The following PTP4A1 variants were observed in gnomAD, a reference collection of about 807,000 sequenced individuals.
PTP4A1 encodes the protein protein tyrosine phosphatase type IVA 1.
In PTP4A1, 9 loss-of-function variants were observed where a neutral mutation model predicts 20.5. That is an observed-to-expected ratio of 0.44 (90% CI 0.26 to 0.77). The LOEUF is 0.77. PTP4A1 is among the 30% of genes least tolerant of loss of function. The pLI is 0.19. For synonymous variants in PTP4A1, 78 were observed against 67.4 expected, an observed-to-expected ratio of 1.16 and a Z score of -0.77; for missense variants, 137 against 218.8, an observed-to-expected ratio of 0.63 and a Z score of 2.36.
intron 3 of PTP4A1, among the ~76,000 whole-genome samples, chr6:63,562,719 A>AG (rs1561909960): frequency 6.6e-6 from 1 of 152,202 alleles, no homozygotes; most frequent in Non-Finnish European, 1.5e-5. Flanking sequence ...TCAAGAGTTT[A>AG]ATTGTTCTCT....
intron 2 of PTP4A1, among the ~76,000 whole-genome samples, chr6:63,548,538 G>A (rs1351971837): frequency 6.6e-6 from 1 of 152,170 alleles, no homozygotes; most frequent in East Asian, 1.9e-4. Context: ...ACCATGTCCT[G>A]TTTTTCCTTC....
At chr6:63,578,801 G>A in intron 3 of PTP4A1, 97 bp from the exon 4 acceptor site, 1 of 1,238,544 alleles carries the variant, frequency 8.1e-7, no homozygotes, top group Non-Finnish European at 1.1e-6. Flanking sequence ...ATTAAAATGA[G>A]AATGCTTTTG....
At position 63,539,823 on chromosome 6, in the gene PTP4A1, A is replaced by G. The variant is rs938131092; in HGVS notation, c.-639-10477A>G. 7.2e-5 allele frequency among the ~76,000 whole-genome samples: 11 copies of G among 152,332 alleles called. No individual in the cohort carries two copies. In the East Asian group the frequency reaches 1.9e-3, roughly 27 times the overall value. ...TAGGCAATCTTCAGAAAAAAACTCA[A>G]AAGTTCAGCAAATGTGTGAAGATAT... is the stretch of plus-strand genomic sequence containing the variant. On this transcript the variant is annotated intron_variant, in intron 2 of 3. Coordinates refer to the PTP4A1 transcript ENST00000639568.
chr6:63,545,953 G>A (rs1776164483), intron 2 of PTP4A1, among the ~76,000 whole-genome samples: 1 of 152,092 alleles, frequency 6.6e-6, no homozygotes, highest in Admixed American at 6.5e-5. Context: ...AGAATATCCA[G>A]AAAGTAGTTT....
intron 2 of PTP4A1, among the ~76,000 whole-genome samples, chr6:63,577,265 G>C (rs1479376647): frequency 6.6e-6 from 1 of 152,102 alleles, no homozygotes; most frequent in Non-Finnish European, 1.5e-5. Flanking sequence ...AAATTTACAT[G>C]GGAAAGGTTG....
chr6:63,525,121 G>A (rs1445624588), intron 1 of PTP4A1, among the ~76,000 whole-genome samples: 2 of 152,154 alleles, frequency 1.3e-5, no homozygotes, highest in Non-Finnish European at 2.9e-5. Context: ...TGTTTCAAAG[G>A]TGAAGATTTC....
upstream of PTP4A1, among the ~76,000 whole-genome samples, chr6:63,517,694 A>T (rs888394653): frequency 6.6e-6 from 1 of 152,168 alleles, no homozygotes; most frequent in Non-Finnish European, 1.5e-5. Context: ...AGAAATTGTC[A>T]ATAATGATCT....
At chr6:63,521,314 TGTC>T (rs1457321814), upstream of PTP4A1, among the ~76,000 whole-genome samples, 1 of 152,210 alleles carries the variant, frequency 6.6e-6, no homozygotes, top group Non-Finnish European at 1.5e-5. Flanking sequence ...ATATCTGGCT[TGTC>T]GTATTCTAGC....
upstream of PTP4A1, among the ~76,000 whole-genome samples, chr6:63,521,000 G>A (rs1324395192): frequency 5.3e-5 from 8 of 152,002 alleles, no homozygotes; most frequent in South Asian, 2.1e-4. Flanking sequence ...ACCAAACACC[G>A]CATGGTCTCA....
chr6:63,517,991 A>G (rs926150715), upstream of PTP4A1, among the ~76,000 whole-genome samples: 1 of 152,052 alleles, frequency 6.6e-6, no homozygotes, highest in Non-Finnish European at 1.5e-5. Context: ...CATCTCTACT[A>G]AAAATACAAA....
upstream of PTP4A1, among the ~76,000 whole-genome samples, chr6:63,517,641 C>G (rs976990652): frequency 2.1e-4 from 32 of 152,194 alleles, no homozygotes; most frequent in African/African-American, 7.7e-4. Flanking sequence ...CACACATGCA[C>G]ACACACAATC....
chr6:63,552,159 A>G (rs1235895125), intron 3 of PTP4A1, among the ~76,000 whole-genome samples: 1 of 152,202 alleles, frequency 6.6e-6, no homozygotes, highest in Non-Finnish European at 1.5e-5. Flanking sequence ...AGTCCCACCA[A>G]CAGTGTAAAA....
rs1778350121 is a variant in PTP4A1 at position 63,583,166 on chromosome 6, C to T, written c.*2992C>T. 1 of 152,084 alleles carries T rather than the reference C, an allele frequency of 6.6e-6. No homozygotes were observed. The highest frequency in any genetic ancestry group is 2.1e-4 in the South Asian group (1 of 4,832). The allele number at this position is 152,084 out of a possible 1,614,324, so 9.4% of individuals were successfully genotyped here. On this transcript the variant is annotated 3_prime_UTR_variant, in exon 6 of 6. Coordinates refer to ENST00000626021, the MANE Select transcript of PTP4A1 (RefSeq NM_003463.5). ...TTTCAGGAAATATAATTTGAGAATA[C>T]TTTAAAGGGAAGTGGAAGTATAAGT...
intron 2 of PTP4A1, among the ~76,000 whole-genome samples, chr6:63,530,846 ACAT>A (rs1231498384): frequency 6.6e-6 from 1 of 152,190 alleles, no homozygotes; most frequent in Non-Finnish European, 1.5e-5. Context: ...GTACCTTAAA[ACAT>A]CCAAATTGAT....
At chr6:63,566,935 CAGT>C (rs1417819969) in intron 3 of PTP4A1, among the ~76,000 whole-genome samples, 1 of 152,206 alleles carries the variant, frequency 6.6e-6, no homozygotes, top group African/African-American at 2.4e-5. Flanking sequence ...TCTTCACCAG[CAGT>C]AGATTCTATC....
At chr6:63,578,822 C>T in intron 3 of PTP4A1, 76 bp from the exon 4 acceptor site, 2 of 1,318,088 alleles carry the variant, frequency 1.5e-6, no homozygotes, top group Non-Finnish European at 1.0e-6. Context: ...AAAACATTTC[C>T]ATGTTAGAAA....
intron 2 of PTP4A1, among the ~76,000 whole-genome samples, chr6:63,536,123 A>G (rs568731823): frequency 1.8e-4 from 27 of 152,082 alleles, no homozygotes; most frequent in African/African-American, 6.3e-4. Context: ...CCTGAGGCCA[A>G]CAGTTCCAGA....
intron 2 of PTP4A1, 133 bp from the exon 3 acceptor site, chr6:63,578,304 T>C (rs1778002855): frequency 8.8e-7 from 1 of 1,139,582 alleles, no homozygotes; most frequent in African/African-American, 1.6e-5. Flanking sequence ...TAAACATAAA[T>C]GGATTCTAGC....
chr6:63,524,753 T>C (rs1775087094), intron 1 of PTP4A1, among the ~76,000 whole-genome samples: 1 of 152,206 alleles, frequency 6.6e-6, no homozygotes, highest in African/African-American at 2.4e-5. Flanking sequence ...GAAAAACCTA[T>C]CTTCTCACAT....
Sources: allele counts gnomAD v4.1 joint callset (sites outside exome capture counted in the v4.1 genomes callset), GRCh38; gene constraint gnomAD v4.1.1; transcripts MANE v1.5; gene names NCBI Gene and HGNC (gene_info 2026-07-23, HGNC 2026-07-21).